DGKB: variants seen among roughly 807,000 people sequenced by gnomAD.
DGKB encodes the protein diacylglycerol kinase beta, also known as 90 kDa diacylglycerol kinase.
DGKB carries 67 observed loss-of-function variants against 114.3 expected under a neutral mutation model. That is an observed-to-expected ratio of 0.59 (90% CI 0.48 to 0.72). DGKB has a LOEUF of 0.72. Among genes scored for constraint, DGKB ranks in the 30% least tolerant of loss-of-function variants. DGKB has a pLI of 0.00. For synonymous variants in DGKB, 398 were observed against 323.1 expected (o/e 1.23, Z -2.49); for missense variants, 907 against 975.2 (o/e 0.93, Z 0.93).
chr7:14,887,959 T>C (rs1475011652), intron 1 of DGKB, among the ~76,000 whole-genome samples: 1 of 151,710 alleles, frequency 6.6e-6, no homozygotes, highest in Non-Finnish European at 1.5e-5. Flanking sequence ...TTCTTATGTG[T>C]TTAATTACCA....
chr7:14,964,126 G>A (rs1370103173), intron 1 of DGKB, among the ~76,000 whole-genome samples: 1 of 147,680 alleles, frequency 6.8e-6, no homozygotes, highest in African/African-American at 2.5e-5. Context: ...TATCAGTTGA[G>A]TTATGAGTAA....
At chr7:14,669,719 C>G (rs1410487648) in intron 13 of DGKB, among the ~76,000 whole-genome samples, 1 of 152,014 alleles carries the variant, frequency 6.6e-6, no homozygotes, top group East Asian at 1.9e-4. Context: ...TACAGGAGGC[C>G]CCAACAGACC....
intron 5 of DGKB, among the ~76,000 whole-genome samples, chr7:14,720,846 C>T (rs970442197): frequency 2.1e-5 from 3 of 143,628 alleles, no homozygotes; most frequent in African/African-American, 7.8e-5. Context: ...CAATCCTGAG[C>T]TTTAAAAAAA....
At chr7:14,944,419 T>A (rs928521261) in intron 1 of DGKB, among the ~76,000 whole-genome samples, 1 of 151,972 alleles carries the variant, frequency 6.6e-6, no homozygotes, top group East Asian at 1.9e-4. Context: ...CTAGAGTAAC[T>A]AAACATTGTT....
intron 1 of DGKB, among the ~76,000 whole-genome samples, chr7:14,890,696 G>A (rs1562825645): frequency 6.6e-6 from 1 of 150,856 alleles, no homozygotes; most frequent in Non-Finnish European, 1.5e-5. Context: ...AAATACACCG[G>A]CTAATCACCT....
intron 8 of DGKB, among the ~76,000 whole-genome samples, chr7:14,695,494 CTTTT>C (rs1173622205): frequency 1.9e-4 from 14 of 75,166 alleles, no homozygotes; most frequent in East Asian, 1.5e-3. Flanking sequence ...CTCTCTCTCT[CTTTT>C]TTTTTTTTTT....
chr7:14,543,170 C>T (rs1176459446), intron 20 of DGKB, among the ~76,000 whole-genome samples: 4 of 152,080 alleles, frequency 2.6e-5, no homozygotes, highest in Admixed American at 2.0e-4. Context: ...AAGACCATGG[C>T]CAGGCATAGT....
At chr7:14,787,801 T>C (rs2128500040) in intron 2 of DGKB, among the ~76,000 whole-genome samples, 1 of 152,314 alleles carries the variant, frequency 6.6e-6, no homozygotes, top group Non-Finnish European at 1.5e-5. Context: ...TTGCATAGAT[T>C]CTTCACACAG....
intron 20 of DGKB, among the ~76,000 whole-genome samples, chr7:14,508,761 TTAATA>T (rs1268420099): frequency 6.6e-6 from 1 of 152,176 alleles, no homozygotes; most frequent in Non-Finnish European, 1.5e-5. Flanking sequence ...GATGACCTAT[TTAATA>T]TGTTTCTCAA....
intron 1 of DGKB, among the ~76,000 whole-genome samples, chr7:14,940,545 A>G (rs1325356380): frequency 1.3e-5 from 2 of 152,092 alleles, no homozygotes; most frequent in African/African-American, 2.4e-5. Flanking sequence ...AACCATATCC[A>G]GCTTGAGGTC....
chr7:14,169,364 C>CAAAAAAAAAAAAA (rs35418998), intron 25 of DGKB, among the ~76,000 whole-genome samples: 74 of 65,162 alleles, frequency 1.1e-3, no homozygotes, highest in Non-Finnish European at 2.1e-3. Flanking sequence ...GACTCCGTCT[C>CAAAAAAAAAAAAA]AAAAAAAAAA....
intron 23 of DGKB, among the ~76,000 whole-genome samples, chr7:14,231,095 CTTTCTTTCTTTCTTTCTT>C (rs1791703002): frequency 5.9e-5 from 6 of 102,300 alleles, no homozygotes; most frequent in South Asian, 3.3e-4. Context: ...TTCTTTCTTT[CTTTCTTTCTTTCTTTCTT>C]TCTTTCTTTC....
At chr7:14,625,808 G>T (rs1259653197) in intron 14 of DGKB, among the ~76,000 whole-genome samples, 1 of 151,902 alleles carries the variant, frequency 6.6e-6, no homozygotes, top group Non-Finnish European at 1.5e-5. Flanking sequence ...AAAGAAAATA[G>T]AACATATAAC....
intron 23 of DGKB, among the ~76,000 whole-genome samples, chr7:14,329,522 A>T (rs950841714): frequency 2.6e-5 from 4 of 152,030 alleles, no homozygotes; most frequent in South Asian, 4.1e-4. Flanking sequence ...AATATCAATA[A>T]ATAAGTAACT....
At chr7:14,181,619 T>C (rs1782646400) in intron 23 of DGKB, among the ~76,000 whole-genome samples, 1 of 152,180 alleles carries the variant, frequency 6.6e-6, no homozygotes, top group African/African-American at 2.4e-5. Flanking sequence ...GAATCATAGA[T>C]AGGAAGGCAG....
chr7:14,686,113 C>T (rs139174572), intron 9 of DGKB, among the ~76,000 whole-genome samples: 5 of 152,162 alleles, frequency 3.3e-5, no homozygotes, highest in South Asian at 4.1e-4. Context: ...TTATAACAAT[C>T]ACTATGGTTA....
intron 23 of DGKB, among the ~76,000 whole-genome samples, chr7:14,250,382 A>G (rs1385228408): frequency 1.3e-5 from 2 of 151,810 alleles, no homozygotes; most frequent in Non-Finnish European, 2.9e-5. Context: ...ATATTCTTTA[A>G]TTTACATTTT....
chr7:14,639,254 A>C (rs1811300963), intron 13 of DGKB, among the ~76,000 whole-genome samples: 1 of 152,172 alleles, frequency 6.6e-6, no homozygotes, highest in South Asian at 2.1e-4. Context: ...AATGAAAGGA[A>C]GACTAGGGAT....
At chr7:14,792,424 G>C (rs1212315575) in intron 2 of DGKB, among the ~76,000 whole-genome samples, 1 of 152,114 alleles carries the variant, frequency 6.6e-6, no homozygotes, top group Non-Finnish European at 1.5e-5. Flanking sequence ...AAGCCACTCA[G>C]GGAAGGCCTG....
Sources: allele counts gnomAD v4.1 joint callset (sites outside exome capture counted in the v4.1 genomes callset), GRCh38; gene constraint gnomAD v4.1.1; transcripts MANE v1.5; gene names NCBI Gene and HGNC (gene_info 2026-07-23, HGNC 2026-07-21).